MAPK8IP3: variants seen among roughly 807,000 people sequenced by gnomAD.
MAPK8IP3 encodes C-Jun-amino-terminal kinase-interacting protein 3.
A neutral mutation model predicts 157.8 loss-of-function variants in MAPK8IP3; 49 were observed. The observed-to-expected ratio is 0.31, with a 90% CI of 0.25 to 0.39. The LOEUF (loss-of-function observed/expected upper bound fraction) is 0.39. Among genes scored for constraint, MAPK8IP3 ranks in the 10% least tolerant of loss-of-function variants. The probability of loss-of-function intolerance (pLI) is 1.00; values close to 1 mark genes in which losing one functional copy is unlikely to be tolerated. For synonymous variants in MAPK8IP3, 897 were observed against 777.7 expected (o/e 1.15, Z -2.55); for missense variants, 1,478 against 1,889.4 (o/e 0.78, Z 4.04).
At chr16:1,715,515 T>C (rs2038088905) in intron 1 of MAPK8IP3, among the ~76,000 whole-genome samples, 1 of 152,200 alleles carries the variant, frequency 6.6e-6, no homozygotes, top group South Asian at 2.1e-4. Flanking sequence ...GCCCGGCACC[T>C]GTCTGCCTGC....
At chr16:1,768,019 C>A (rs1376698201) in intron 28 of MAPK8IP3, 50 bp from the exon 29 acceptor site, 1 of 1,610,928 alleles carries the variant, frequency 6.2e-7, no homozygotes, top group South Asian at 1.1e-5. Context: ...GCCTTGCTGC[C>A]CCTACGCTGA....
Position 1,710,806 on chromosome 16 carries a change from C to T in MAPK8IP3, c.318+4149C>T, listed in dbSNP as rs986354943. Among the ~76,000 whole-genome samples, 2 of 152,246 alleles carry T rather than the reference C, an allele frequency of 1.3e-5. No homozygotes were observed. The highest frequency in any genetic ancestry group is 4.8e-5 in the African/African-American group (2 of 41,468). On this transcript the variant is annotated intron_variant, in intron 1 of 31. Transcript: ENST00000610761. The surrounding 1 kb of genome is among the most constrained non-coding windows in gnomAD (Gnocchi z 4.1). Reference sequence around the variant, plus strand: ...TTTAAAAAATGTTTTTTAAATGAAGCTATCAAGATGGGGCTGCCAGAGCTG... The same window carrying T: ...TTTAAAAAATGTTTTTTAAATGAAGTTATCAAGATGGGGCTGCCAGAGCTG...
intron 8 of MAPK8IP3, among the ~76,000 whole-genome samples, chr16:1,749,400 C>A (rs1444622508): frequency 6.6e-6 from 1 of 152,176 alleles, no homozygotes; most frequent in African/African-American, 2.4e-5. Flanking sequence ...ATTAGCCTCG[C>A]CGCACACCCT....
At chr16:1,758,636 C>T (rs2041758709) in intron 9 of MAPK8IP3, among the ~76,000 whole-genome samples, 1 of 152,214 alleles carries the variant, frequency 6.6e-6, no homozygotes, top group Non-Finnish European at 1.5e-5. Context: ...ATGCAGCCCC[C>T]CAGCCTCCAG....
intron 8 of MAPK8IP3, among the ~76,000 whole-genome samples, chr16:1,756,262 G>A (rs1301089098): frequency 2.6e-5 from 4 of 152,210 alleles, no homozygotes; most frequent in South Asian, 2.1e-4. Flanking sequence ...GGCCAGGGGC[G>A]GTGGCTCATG....
intron 1 of MAPK8IP3, among the ~76,000 whole-genome samples, chr16:1,719,933 T>C (rs1204929884): frequency 6.6e-6 from 1 of 152,130 alleles, no homozygotes; most frequent in Non-Finnish European, 1.5e-5. Flanking sequence ...TAGGGGGAAG[T>C]GTAAGTTGGG....
intron 8 of MAPK8IP3, among the ~76,000 whole-genome samples, chr16:1,750,373 C>A (rs140579438): frequency 6.6e-6 from 1 of 151,904 alleles, no homozygotes; most frequent in Non-Finnish European, 1.5e-5. Context: ...CCACCACGCC[C>A]GGCTAATTTT....
At chr16:1,740,024 A>AACCG (rs2040550842) in intron 4 of MAPK8IP3, among the ~76,000 whole-genome samples, 1 of 58,560 alleles carries the variant, frequency 1.7e-5, no homozygotes, top group African/African-American at 6.7e-5. Context: ...GCGTGTGAGC[A>AACCG]TCCGTGTGAC....
chr16:1,730,144 C>T (rs2039208174), intron 4 of MAPK8IP3, among the ~76,000 whole-genome samples: 1 of 151,950 alleles, frequency 6.6e-6, no homozygotes, highest in Non-Finnish European at 1.5e-5. Context: ...ACCTGTAGTC[C>T]CAGCTACTCA....
At chr16:1,767,477 A>C in intron 26 of MAPK8IP3, 87 bp from the exon 27 acceptor site, 1 of 1,528,202 alleles carries the variant, frequency 6.5e-7, no homozygotes, top group Non-Finnish European at 8.9e-7. Context: ...AGGGGACTGC[A>C]GGTGGCCCTG....
chr16:1,732,744 C>T (rs1398094784), intron 4 of MAPK8IP3, among the ~76,000 whole-genome samples: 6 of 151,804 alleles, frequency 4.0e-5, no homozygotes, highest in South Asian at 2.1e-4. Context: ...TACGCCAGGG[C>T]GTGTGGATGC....
In MAPK8IP3 at chr16:1,761,219, C is replaced by T; in HGVS notation, c.1458-5C>T. 6.2e-7 allele frequency: 1 copy of T among 1,613,164 alleles called. No individual in the cohort carries two copies. Among genetic ancestry groups the T allele is most frequent in the Non-Finnish European group, 8.5e-7 (1 of 1,179,688 alleles). Reference sequence around the variant, plus strand: ...ACCCTCCCTGCCTCCTTCCCCTTCCCACAGAGTGAAGTCCGAGGCCATCAT... The same window carrying T: ...ACCCTCCCTGCCTCCTTCCCCTTCCTACAGAGTGAAGTCCGAGGCCATCAT... On this transcript the variant is annotated splice_polypyrimidine_tract_variant and splice_region_variant and intron_variant, in intron 12 of 31. Transcript: ENST00000610761.
intron 17 of MAPK8IP3, 98 bp from the exon 18 acceptor site, chr16:1,764,017 T>G: frequency 7.9e-7 from 1 of 1,261,788 alleles, no homozygotes; most frequent in South Asian, 1.5e-5. Context: ...TTGAAGTGGC[T>G]GTGCCGCCAG....
In MAPK8IP3 at chr16:1,742,316, G is replaced by A. The variant is rs2040731148; in HGVS notation, c.603-1016G>A. Among the ~76,000 whole-genome samples the A allele has an allele frequency of 1.3e-5, 2 of 152,144 alleles. No individual in the cohort carries two copies. The highest frequency in any genetic ancestry group is 1.3e-4 in the Admixed American group (2 of 15,284). ...CCACAGGAGGTCATCCCTAGGGACTGAGCCCACAGCAGGGGGCACTGAGCA... is the reference window on the plus strand; with the variant it reads ...CCACAGGAGGTCATCCCTAGGGACTAAGCCCACAGCAGGGGGCACTGAGCA... On this transcript the variant is annotated intron_variant, in intron 4 of 31. Coordinates refer to ENST00000610761, the MANE Select transcript of MAPK8IP3 (RefSeq NM_001318852.2). This position sits in a 1 kb window ranked among gnomAD's most constrained non-coding sequence, Gnocchi z 5.0.
intron 4 of MAPK8IP3, among the ~76,000 whole-genome samples, chr16:1,737,957 AGCGTCCGTGTGAGCGTGTGACCGTCC>A (rs1377941283): frequency 6.9e-5 from 4 of 58,088 alleles, no homozygotes; most frequent in Non-Finnish European, 9.4e-5. Context: ...TGTCCGTGTG[AGCGTCCGTGTGAGCGTGTGACCGTCC>A]GTGTGACCAT....
At chr16:1,717,644 T>A (rs760106724) in intron 1 of MAPK8IP3, among the ~76,000 whole-genome samples, 1 of 152,254 alleles carries the variant, frequency 6.6e-6, no homozygotes, top group Non-Finnish European at 1.5e-5. Flanking sequence ...TTGTCACACC[T>A]TCAGTAGGTC....
intron 3 of MAPK8IP3, 42 bp downstream of exon 3, chr16:1,729,250 A>T: frequency 1.2e-6 from 2 of 1,605,018 alleles, no homozygotes; most frequent in Non-Finnish European, 1.7e-6. Context: ...GGTTGGAGAC[A>T]GGGCCGCGGC....
In MAPK8IP3 at chr16:1,764,993, G is replaced by A; in HGVS notation, c.2281-20G>A. 6.3e-7 allele frequency: 1 copy of A among 1,591,536 alleles called. No individual in the cohort carries two copies. The highest frequency in any genetic ancestry group is 1.1e-5 in the South Asian group (1 of 90,274). ...AGCCTCAAGCTCGGGCTCTGACCTT[G>A]ATCCCGTGCCCTGAAACAGGCCAAG... On this transcript the variant is annotated intron_variant, in intron 19 of 31. Transcript: ENST00000610761.
chr16:1,736,830 G>T (rs1357960645), intron 4 of MAPK8IP3, among the ~76,000 whole-genome samples: 1 of 80,170 alleles, frequency 1.2e-5, no homozygotes, highest in African/African-American at 5.4e-5. Flanking sequence ...GTGAGCGTCC[G>T]TGTGAGCGTG....
Sources: gnomAD v4.1 joint callset for allele counts (sites outside exome capture counted in the v4.1 genomes callset) on GRCh38, gnomAD v4.1.1 for gene constraint, Gnocchi (gnomAD v3.1) non-coding constraint, MANE v1.5 for transcripts, NCBI Gene and HGNC (gene_info 2026-07-23, HGNC 2026-07-21) for gene names.